Variants in APOL4 observed in about 807,000 individuals in gnomAD.
The protein encoded by APOL4 is apolipoprotein L, 4.
In APOL4, 14 loss-of-function variants were observed where a neutral mutation model predicts 12.1. The ratio of observed to expected loss-of-function variants is 1.16; its 90% CI spans 0.76 to 1.81. APOL4 has a LOEUF of 1.81. Among genes scored for constraint, APOL4 ranks in the 40% most tolerant of loss-of-function variants. The probability of loss-of-function intolerance (pLI) is 0.00; values close to 1 mark genes in which losing one functional copy is unlikely to be tolerated. For missense variants in APOL4, 432 were observed against 423.1 expected (o/e 1.02, Z -0.18); for synonymous variants, 171 against 160.6 (o/e 1.06, Z -0.49).
chr22:36,197,324 CCCT>C (rs1295483442), intron 2 of APOL4: 1 of 251,180 alleles, frequency 4.0e-6, no homozygotes, highest in African/African-American at 2.3e-5. Flanking sequence ...GGGGAGGAAG[CCCT>C]CCTGAGGAAA....
At chr22:36,202,859 G>T (rs1329608729), upstream of APOL4, among the ~76,000 whole-genome samples, 1 of 152,212 alleles carries the variant, frequency 6.6e-6, no homozygotes, top group African/African-American at 2.4e-5. Context: ...TAGGCTGGGA[G>T]GGGAGGTGAC....
In APOL4 at chr22:36,195,334, A is replaced by G. The variant is rs2007468; in HGVS notation, c.186T>C (p.Phe62=). The G allele has an allele frequency of 0.53, 860,515 of 1,613,628 alleles. 236,733 individuals carry two copies. Among genetic ancestry groups the G allele is most frequent in the East Asian group, 0.86 (38,428 of 44,848 alleles). The change falls in exon 3 of 4, where the codon TTT becomes TTC. Residue 62 remains phenylalanine, a synonymous_variant. Transcript: ENST00000683024. The stretch of plus-strand genomic sequence containing the variant: ...ACCTGGGCAATTCAGCCACACGCAC[A>G]AATCTCTTCCAGGCTTCATCGCTAG... The part of the protein sequence containing the change: ...LLTSDEAWKR[F]VRVAELPREE...
chr22:36,191,141 C>G lies in APOL4; in HGVS notation c.981G>C (p.Trp327Cys). Residue 327 changes from tryptophan to cysteine, a missense_variant, in exon 4 of 4, where the codon TGG becomes TGC. Trp to Cys is a radical substitution (Grantham distance 215). Transcript: ENST00000683024. Reference protein sequence around the residue: ...KSESAESLRQWAQELEENLNE... With the variant: ...KSESAESLRQCAQELEENLNE... ...TGAGATTCTCCTCCAGCTCCTGAGC[C>G]CACTGCCTCAGCGACTCAGCAGACT... The G allele has an allele frequency of 6.2e-7, 1 of 1,612,066 alleles. No individual in the cohort carries two copies. Among genetic ancestry groups the G allele is most frequent in the Non-Finnish European group, 8.5e-7 (1 of 1,179,020 alleles).
chr22:36,191,723 G>A lies in APOL4; in HGVS notation c.399C>T (p.Val133=). 6.2e-7 allele frequency: 1 copy of A among 1,614,034 alleles called. No individual in the cohort carries two copies. The highest frequency in any genetic ancestry group is 1.3e-5 in the African/African-American group (1 of 75,050). The stretch of plus-strand genomic sequence containing the variant: ...CATTGGCGATGACGCAGCCTCTGTG[G>A]ACCTTTTCAATCTCATTTGCAATGA... The part of the protein sequence containing the change: ...LRVIANEIEK[V]HRGCVIANVV... The change falls in exon 4 of 4, where the codon GTC becomes GTT. Residue 133 remains valine, a synonymous_variant. Coordinates refer to ENST00000683024, the MANE Select transcript of APOL4 (RefSeq NM_001386885.1).
At chr22:36,203,026 T>C (rs1305029145), upstream of APOL4, among the ~76,000 whole-genome samples, 73 of 152,228 alleles carry the variant, frequency 4.8e-4, no homozygotes, top group Non-Finnish European at 1.0e-4. Context: ...CTCACTCCTG[T>C]AGTTACACTC....
At chr22:36,200,632 T>C (rs1174513803) in intron 1 of APOL4, among the ~76,000 whole-genome samples, 1 of 152,228 alleles carries the variant, frequency 6.6e-6, no homozygotes, top group African/African-American at 2.4e-5. Flanking sequence ...ACTGCCCACA[T>C]TTGATTTTAT....
chr22:36,203,246 A>T (rs927038865), upstream of APOL4, among the ~76,000 whole-genome samples: 2 of 152,178 alleles, frequency 1.3e-5, no homozygotes, highest in African/African-American at 4.8e-5. Flanking sequence ...CAAGATAGTG[A>T]AAGCTGGGTC....
At chr22:36,192,734 A>G (rs2014296188) in intron 3 of APOL4, among the ~76,000 whole-genome samples, 1 of 152,180 alleles carries the variant, frequency 6.6e-6, no homozygotes, top group Non-Finnish European at 1.5e-5. Context: ...GTTTGGCTAC[A>G]GGCCAGTATA....
intron 2 of APOL4, among the ~76,000 whole-genome samples, chr22:36,198,226 G>A (rs2014469406): frequency 6.6e-6 from 1 of 152,204 alleles, no homozygotes; most frequent in South Asian, 2.1e-4. Flanking sequence ...ACAAGGCTAA[G>A]GTCCGGTCTC....
upstream of APOL4, chr22:36,201,955 G>A (rs1334657538): frequency 2.5e-6 from 4 of 1,613,854 alleles, no homozygotes; most frequent in Admixed American, 5.0e-5. Context: ...CAGACAGGGA[G>A]CCCTCCCTCC....
In APOL4 at chr22:36,190,973, G is replaced by A. The variant is rs2014224542; in HGVS notation, c.*102C>T. On this transcript the variant is annotated 3_prime_UTR_variant, in exon 4 of 4. Coordinates refer to ENST00000683024, the MANE Select transcript of APOL4 (RefSeq NM_001386885.1). ...GAAATTATAAAAGTATTAATTTGGG[G>A]AACTAATAAATGTCCATGAAATCTT... is the stretch of plus-strand genomic sequence containing the variant. The A allele has an allele frequency of 1.0e-6, 1 of 998,098 alleles. No homozygotes were observed. 61.8% of individuals were successfully genotyped at this position (998,098 alleles called of 1,614,324 possible).
At position 36,200,369 on chromosome 22, in the gene APOL4, C is replaced by T. The variant is rs139055845; in HGVS notation, c.36-993G>A. Among the ~76,000 whole-genome samples, 976 of 152,348 alleles carry T rather than the reference C, an allele frequency of 6.4e-3. 5 individuals are homozygous for T. Among genetic ancestry groups the T allele is most frequent in the Non-Finnish European group, 0.01 (697 of 68,036 alleles). On this transcript the variant is annotated intron_variant, in intron 1 of 3. Transcript: ENST00000683024. The stretch of plus-strand genomic sequence containing the variant: ...CATTGCAAATCCATGTCTCACACTC[C>T]GTGCTCAACTTTTCGTCTTGGTGAA...
At chr22:36,196,537 G>A (rs2014416768) in intron 2 of APOL4, among the ~76,000 whole-genome samples, 1 of 152,154 alleles carries the variant, frequency 6.6e-6, no homozygotes, top group Non-Finnish European at 1.5e-5. Flanking sequence ...TCACTACAAA[G>A]CATCTTAGTA....
At chr22:36,193,919 T>C (rs1284343446) in intron 3 of APOL4, among the ~76,000 whole-genome samples, 2 of 152,208 alleles carry the variant, frequency 1.3e-5, no homozygotes, top group Non-Finnish European at 1.5e-5. Flanking sequence ...CACTCTCACA[T>C]GTCACCAGCC....
intron 1 of APOL4, chr22:36,201,465 G>A (rs993271302): frequency 7.6e-5 from 68 of 895,170 alleles, no homozygotes; most frequent in Non-Finnish European, 9.6e-5. Flanking sequence ...GTAAAAGGGG[G>A]ACCCAGTCCT....
Position 36,201,792 on chromosome 22 carries a change from T to C in APOL4, c.-58A>G. 6.3e-7 allele frequency: 1 copy of C among 1,581,998 alleles called. No homozygotes were observed. Among genetic ancestry groups the C allele is most frequent in the Non-Finnish European group, 8.6e-7 (1 of 1,163,556 alleles). ...CTGATCTGGGGCCTCTGCTGAATGT[T>C]GAGGCTGGATACTGACTGTTAGCCT... On this transcript the variant is annotated 5_prime_UTR_variant, in exon 1 of 4. Coordinates refer to ENST00000683024, the MANE Select transcript of APOL4 (RefSeq NM_001386885.1).
chr22:36,195,385 G>A lies in APOL4; in HGVS notation c.135C>T (p.Ser45=), dbSNP rs199984815. The change falls in exon 3 of 4, where the codon AGC becomes AGT. Residue 45 remains serine, a synonymous_variant. Transcript: ENST00000683024. The stretch of plus-strand genomic sequence containing the variant: ...TCAGCAGGATTTTCAGATGCACTGG[G>A]CTAACTTTCTTCTGGAAGTATTCAA... ...EVIEYFQKKV[S]PVHLKILLTS... is the part of the protein sequence containing the mutation. The A allele has an allele frequency of 3.6e-4, 575 of 1,613,754 alleles. 4 individuals are homozygous for A. The highest frequency in any genetic ancestry group is 8.3e-4 in the Middle Eastern group (5 of 6,058).
At position 36,195,342 on chromosome 22, in the gene APOL4, TC is replaced by T; in HGVS notation, c.177del (p.Trp59Ter). The T allele has an allele frequency of 6.2e-7, 1 of 1,613,800 alleles. No individual in the cohort carries two copies. Among genetic ancestry groups the T allele is most frequent in the Non-Finnish European group, 8.5e-7 (1 of 1,179,866 alleles). On this transcript the variant is annotated frameshift_variant, in exon 3 of 4. Transcript: ENST00000683024. LOFTEE classifies it low-confidence loss of function (END_TRUNC). Reference protein sequence around the residue: ...LKILLTSDEAWKRFVRVAELP... With the variant: ...LKILLTSDEAXKRFVRVAELP... ...AATTCAGCCACACGCACAAATCTCT[TC>T]CAGGCTTCATCGCTAGTCAGCAGGA... is the stretch of plus-strand genomic sequence containing the variant.
rs754076165 is a variant in APOL4 at position 36,191,746 on chromosome 22, T to C, written c.376A>G (p.Ile126Val). 1 of 1,614,054 alleles carries C rather than the reference T, an allele frequency of 6.2e-7. No individual in the cohort carries two copies. The highest frequency in any genetic ancestry group is 8.5e-7 in the Non-Finnish European group (1 of 1,179,900). ...TGGACCTTTTCAATCTCATTTGCAA[T>C]GACACGAAGCCTTTCTATGGACTCC... ...IQESIERLRVIANEIEKVHRG... is the reference protein window; with the variant it reads ...IQESIERLRVVANEIEKVHRG... The change falls in exon 4 of 4, where the codon ATT (isoleucine) becomes GTT (valine). Residue 126 changes from isoleucine (I) to valine (V), a missense_variant. Coordinates refer to ENST00000683024, the MANE Select transcript of APOL4 (RefSeq NM_001386885.1).
Sources: gnomAD v4.1 joint callset for allele counts (sites outside exome capture counted in the v4.1 genomes callset) on GRCh38, gnomAD v4.1.1 for gene constraint, MANE v1.5 for transcripts, NCBI Gene and HGNC (gene_info 2026-07-23, HGNC 2026-07-21) for gene names.